Variants in MRPS17 observed in about 807,000 individuals in gnomAD.
MRPS17 encodes small ribosomal subunit protein uS17m.
Under a neutral mutation model 11.3 loss-of-function variants are expected in MRPS17, and 6 were observed. That is an observed-to-expected ratio of 0.53 (90% CI 0.29 to 1.05). The LOEUF (loss-of-function observed/expected upper bound fraction) is 1.05, where lower values mean the gene tolerates loss of function less well. MRPS17 is among the 50% of genes least tolerant of loss of function. The pLI, the probability that MRPS17 is intolerant of heterozygous loss-of-function variation, is 0.08. For synonymous variants in MRPS17, 56 were observed against 60.4 expected (o/e 0.93, Z 0.34); for missense variants, 139 against 153.6 (o/e 0.90, Z 0.50).
At chr7:55,953,397 T>C in intron 2 of MRPS17, 79 bp downstream of exon 2, 2 of 1,567,012 alleles carry the variant, frequency 1.3e-6, no homozygotes, top group East Asian at 2.2e-5. Context: ...AACATTTATC[T>C]CTCAGTAAAG....
At position 55,955,022 on chromosome 7, in the gene MRPS17, T is replaced by C. The variant is rs1562756421; in HGVS notation, c.237T>C (p.His79=). The C allele has an allele frequency of 6.2e-7, 1 of 1,614,130 alleles. No homozygotes were observed. The highest frequency in any genetic ancestry group is 1.1e-5 in the South Asian group (1 of 91,088). The stretch of plus-strand genomic sequence containing the variant: ...TTCCACGAGCAAAGCATGTGAAACA[T>C]GAACTGGCTGAGATCGTTTTCAAAG... The part of the protein sequence containing the change: ...LPVPRAKHVK[H]ELAEIVFKVG... The change falls in exon 3 of 3, where the codon CAT becomes CAC. Residue 79 remains histidine, a synonymous_variant. Coordinates refer to ENST00000285298, the MANE Select transcript of MRPS17 (RefSeq NM_015969.3).
intron 2 of MRPS17, 66 bp from the exon 3 acceptor site, chr7:55,954,843 A>T: frequency 6.5e-7 from 1 of 1,541,576 alleles, no homozygotes; most frequent in South Asian, 1.3e-5. Flanking sequence ...ACTTTTTCAT[A>T]TTACATATTA....
rs764850116 is a variant in MRPS17, at chr7:55,955,118, T to C, written c.333T>C (p.Ser111=). 14 of 1,614,142 alleles carry C rather than the reference T, an allele frequency of 8.7e-6. No homozygotes were observed. The highest frequency in any genetic ancestry group is 1.2e-5 in the Non-Finnish European group (14 of 1,180,038). ...AGTTYLESPL[S]SETTQLSKNL... The stretch of plus-strand genomic sequence containing the variant: ...CTACCTACCTGGAGAGTCCGTTGAG[T>C]TCGGAAACCACCCAGCTAAGCAAAA... The change falls in exon 3 of 3, where the codon AGT becomes AGC. Residue 111 remains serine (S), a synonymous_variant. Transcript: ENST00000285298.
rs1391088233 is a variant in MRPS17 at position 55,955,955 on chromosome 7, G to A, written c.*777G>A. On this transcript the variant is annotated 3_prime_UTR_variant, in exon 3 of 3. Coordinates refer to ENST00000285298, the MANE Select transcript of MRPS17 (RefSeq NM_015969.3). ...ATTTTTTGTAAATTTTGTAGAGACA[G>A]GGTCTCCCTGTGTTGCCCAGGTTGG... is the stretch of plus-strand genomic sequence containing the variant. 4 of 151,636 alleles carry A rather than the reference G, an allele frequency of 2.6e-5. No individual in the cohort carries two copies. The highest frequency in any genetic ancestry group is 7.3e-5 in the African/African-American group (3 of 41,220). The allele number at this position is 151,636 out of a possible 1,614,324, so 9.4% of individuals were successfully genotyped here. A position where few individuals can be genotyped will look rare whatever the true frequency, so the allele number is the denominator to read the frequency against.
At chr7:55,952,701 C>T (rs1306260206) in intron 1 of MRPS17, among the ~76,000 whole-genome samples, 1 of 149,444 alleles carries the variant, frequency 6.7e-6, no homozygotes, top group Admixed American at 6.7e-5. Flanking sequence ...CGCCACTTCA[C>T]TCCAGACTGG....
chr7:55,953,868 C>G (rs974612930), intron 2 of MRPS17, among the ~76,000 whole-genome samples: 1 of 152,158 alleles, frequency 6.6e-6, no homozygotes, highest in African/African-American at 2.4e-5. Flanking sequence ...AATCTAATGC[C>G]GCTGCTGATC....
At position 55,955,337 on chromosome 7, in the gene MRPS17, A is replaced by C; in HGVS notation, c.*159A>C. 1 of 892,028 alleles carries C rather than the reference A, an allele frequency of 1.1e-6. No individual in the cohort carries two copies. Among genetic ancestry groups the C allele is most frequent in the Non-Finnish European group, 1.7e-6 (1 of 592,852 alleles). The allele number at this position is 892,028 out of a possible 1,614,324, so 55.3% of individuals were successfully genotyped here. ...AGTAAAGGGCATACTATGGTTTTTC[A>C]CAAAGGTTTATGGTCGTGTTTCAAA... On this transcript the variant is annotated 3_prime_UTR_variant, in exon 3 of 3. Coordinates refer to ENST00000285298, the MANE Select transcript of MRPS17 (RefSeq NM_015969.3).
intron 2 of MRPS17, among the ~76,000 whole-genome samples, chr7:55,954,684 G>T (rs1786701245): frequency 6.6e-6 from 1 of 152,226 alleles, no homozygotes; most frequent in Admixed American, 6.5e-5. Context: ...AGTGAGCTGA[G>T]ATCGTGCCAT....
At chr7:55,953,030 T>TA (rs200206566) in intron 1 of MRPS17, 149 bp from the exon 2 acceptor site, 45,321 of 892,564 alleles carry the variant, frequency 0.051, 811 homozygotes, top group Admixed American at 0.074. Flanking sequence ...AGACTACATC[T>TA]AAAAAAAAAC....
Position 55,956,365 on chromosome 7 carries a change from C to T in MRPS17, c.*1187C>T, listed in dbSNP as rs1136390. On this transcript the variant is annotated 3_prime_UTR_variant, in exon 3 of 3. Coordinates refer to ENST00000285298, the MANE Select transcript of MRPS17 (RefSeq NM_015969.3). The stretch of plus-strand genomic sequence containing the variant: ...AACTCCGGACCTCAGGTGATCCGCC[C>T]GCCTGGGCCTCTCAAAGTGCTTGGA... 27,449 of 151,886 alleles carry T rather than the reference C, an allele frequency of 0.18. 3,025 individuals carry two copies. Among genetic ancestry groups the T allele is most frequent in the East Asian group, 0.35 (1,768 of 5,114 alleles). The allele number at this position is 151,886 out of a possible 1,614,324, so 9.4% of individuals were successfully genotyped here. A position where few individuals can be genotyped will look rare whatever the true frequency, so the allele number is the denominator to read the frequency against.
In MRPS17 at chr7:55,954,999, C is replaced by T. The variant is rs988839986; in HGVS notation, c.214C>T (p.Pro72Ser). 6.2e-7 allele frequency: 1 copy of T among 1,613,972 alleles called. No individual in the cohort carries two copies. Among genetic ancestry groups the T allele is most frequent in the Non-Finnish European group, 8.5e-7 (1 of 1,180,028 alleles). ...DIVLLRALPV[P>S]RAKHVKHELA... ...TGTGCTTCTCAGAGCTTTACCTGTT[C>T]CACGAGCAAAGCATGTGAAACATGA... The change falls in exon 3 of 3, where the codon CCA (proline) becomes TCA (serine). Residue 72 changes from proline to serine, a missense_variant. Coordinates refer to ENST00000285298, the MANE Select transcript of MRPS17 (RefSeq NM_015969.3).
Position 55,953,339 on chromosome 7 carries a change from C to T in MRPS17, c.123+21C>T, listed in dbSNP as rs371971455. On this transcript the variant is annotated intron_variant, in intron 2 of 2. Coordinates refer to ENST00000285298, the MANE Select transcript of MRPS17 (RefSeq NM_015969.3). ...TAAAGGTGAGAAACATTCTTGTTTC[C>T]GGGTGGCTTTGGTAAATCACCACCA... 1,087 of 1,611,710 alleles carry T rather than the reference C, an allele frequency of 6.7e-4. 4 individuals are homozygous for T. The African/African-American group carries it at 0.012, about 18-fold the overall frequency.
At chr7:55,952,129 AG>A (rs1270948923) in intron 1 of MRPS17, 199 bp downstream of exon 1, 1 of 152,326 alleles carries the variant, frequency 6.6e-6, no homozygotes, top group Non-Finnish European at 1.5e-5. Flanking sequence ...TGATCTCAAA[AG>A]CAGCCCAAGT....
At chr7:55,953,869 G>A (rs547806961) in intron 2 of MRPS17, among the ~76,000 whole-genome samples, 1 of 152,252 alleles carries the variant, frequency 6.6e-6, no homozygotes, top group Non-Finnish European at 1.5e-5. Context: ...ATCTAATGCC[G>A]CTGCTGATCT....
rs1270049618 is a variant in MRPS17 at position 55,955,538 on chromosome 7, G to A, written c.*360G>A. On this transcript the variant is annotated 3_prime_UTR_variant, in exon 3 of 3. Transcript: ENST00000285298. Reference sequence around the variant, plus strand: ...AAGCTCCGCCTCCCGGGTTCACGCCGTTCTCCTGCCTCAGCCTCCCGAGTA... The same window carrying A: ...AAGCTCCGCCTCCCGGGTTCACGCCATTCTCCTGCCTCAGCCTCCCGAGTA... 7 of 176,952 alleles carry A rather than the reference G, an allele frequency of 4.0e-5. No homozygotes were observed. Among genetic ancestry groups the A allele is most frequent in the Non-Finnish European group, 7.1e-5 (6 of 84,968 alleles). 11.0% of individuals were successfully genotyped at this position (176,952 alleles called of 1,614,324 possible).
chr7:55,953,075 A>T, intron 1 of MRPS17, 104 bp from the exon 2 acceptor site: 1 of 1,346,844 alleles, frequency 7.4e-7, no homozygotes. Context: ...GGGGGGAACG[A>T]AAAAGAAAAA....
At position 55,955,916 on chromosome 7, in the gene MRPS17, AC is replaced by A. The variant is rs1035910421; in HGVS notation, c.*739del. 2 of 151,768 alleles carry A rather than the reference AC, an allele frequency of 1.3e-5. No individual in the cohort carries two copies. Among genetic ancestry groups the A allele is most frequent in the Admixed American group, 1.3e-4 (2 of 15,194 alleles). The allele number at this position is 151,768 out of a possible 1,614,324, so 9.4% of individuals were successfully genotyped here. On this transcript the variant is annotated 3_prime_UTR_variant, in exon 3 of 3. Coordinates refer to ENST00000285298, the MANE Select transcript of MRPS17 (RefSeq NM_015969.3). ...GTAGCTGGGAACACAGGAGCGTACC[AC>A]TACACTTGGCTGATTTTTTGTAAAT...
At chr7:55,952,679 G>A (rs1417364433) in intron 1 of MRPS17, among the ~76,000 whole-genome samples, 1 of 151,278 alleles carries the variant, frequency 6.6e-6, no homozygotes, top group Non-Finnish European at 1.5e-5. Context: ...AGGTTGCAGT[G>A]AGCCGAGATC....
intron 1 of MRPS17, among the ~76,000 whole-genome samples, 191 bp from the exon 2 acceptor site, chr7:55,952,988 C>T (rs760353947): frequency 3.3e-5 from 5 of 151,892 alleles, no homozygotes. Flanking sequence ...GCCAAGATCG[C>T]ACCACCGCAC....
Sources: allele counts gnomAD v4.1 joint callset (sites outside exome capture counted in the v4.1 genomes callset), GRCh38; gene constraint gnomAD v4.1.1; transcripts MANE v1.5; gene names NCBI Gene and HGNC (gene_info 2026-07-23, HGNC 2026-07-21).